NLGN4X: variants seen among roughly 807,000 people sequenced by gnomAD.
The protein encoded by NLGN4X is neuroligin 4 X-linked.
In NLGN4X, 3 loss-of-function variants were observed where a neutral mutation model predicts 40.3. That is an observed-to-expected ratio of 0.07 (90% CI 0.03 to 0.19). The LOEUF is 0.19. Among genes scored for constraint, NLGN4X ranks in the 10% least tolerant of loss-of-function variants. The pLI is 1.00. For synonymous variants in NLGN4X, 270 were observed against 306.8 expected, an observed-to-expected ratio of 0.88 and a Z score of 1.25; for missense variants, 382 against 708.3, an observed-to-expected ratio of 0.54 and a Z score of 5.23.
intron 2 of NLGN4X, among the ~76,000 whole-genome samples, chrX:6,034,393 G>A (rs2036948147): frequency 1.8e-5 from 2 of 112,125 alleles, no homozygotes; most frequent in Non-Finnish European, 3.8e-5. Context: ...TATTTGTTGA[G>A]TGACATTTGG....
At chrX:6,202,770 T>C (rs1366152658) in intron 1 of NLGN4X, among the ~76,000 whole-genome samples, 3 of 112,101 alleles carry the variant, frequency 2.7e-5, no homozygotes, top group Admixed American at 9.4e-5. Flanking sequence ...CCAAAAAAAA[T>C]AGTAAACATC....
chrX:5,959,250 G>C (rs1285943663), intron 3 of NLGN4X, among the ~76,000 whole-genome samples: 1 of 112,017 alleles, frequency 8.9e-6, no homozygotes, highest in Non-Finnish European at 1.9e-5. Flanking sequence ...TTAGTCCATG[G>C]CTGAGCGTAG....
chrX:6,075,323 T>C (rs1355269338), intron 2 of NLGN4X, among the ~76,000 whole-genome samples: 1 of 111,973 alleles, frequency 8.9e-6, no homozygotes, highest in African/African-American at 3.2e-5. Context: ...TTCAGGATGC[T>C]GATCTTCTCT....
At chrX:6,052,697 G>T (rs1053190401) in intron 2 of NLGN4X, among the ~76,000 whole-genome samples, 2 of 112,054 alleles carry the variant, frequency 1.8e-5, no homozygotes, top group Non-Finnish European at 3.8e-5. Flanking sequence ...AACTGTTTTT[G>T]TTATATTTAG....
intron 3 of NLGN4X, among the ~76,000 whole-genome samples, chrX:5,911,758 C>A (rs763148874): frequency 8.9e-6 from 1 of 112,205 alleles, no homozygotes; most frequent in Non-Finnish European, 1.9e-5. Context: ...GCAAAACTTA[C>A]AATAGTCAGA....
intron 2 of NLGN4X, among the ~76,000 whole-genome samples, chrX:6,125,707 A>T (rs183587270): frequency 9.0e-6 from 1 of 111,471 alleles, no homozygotes; most frequent in Admixed American, 9.5e-5. Flanking sequence ...AAAACTCACC[A>T]CCCAAGATAA....
chrX:6,136,774 G>A (rs2039829282), intron 2 of NLGN4X, among the ~76,000 whole-genome samples: 1 of 112,328 alleles, frequency 8.9e-6, no homozygotes, highest in Non-Finnish European at 1.9e-5. Flanking sequence ...CAAAGGCAGT[G>A]TCTTTCACTT....
At chrX:6,154,018 A>G (rs1042304236) in intron 1 of NLGN4X, among the ~76,000 whole-genome samples, 1 of 112,417 alleles carries the variant, frequency 8.9e-6, no homozygotes, top group Non-Finnish European at 1.9e-5. Flanking sequence ...CAAAATTGCT[A>G]TAATTAAAGC....
chrX:6,076,274 C>T (rs1198992309), intron 2 of NLGN4X, among the ~76,000 whole-genome samples: 2 of 111,764 alleles, frequency 1.8e-5, no homozygotes, highest in African/African-American at 6.5e-5. Context: ...GTATGTTATC[C>T]GAGAACACCC....
intron 3 of NLGN4X, among the ~76,000 whole-genome samples, chrX:5,977,640 G>T (rs2147048377): frequency 9.0e-6 from 1 of 110,930 alleles, no homozygotes; most frequent in East Asian, 2.8e-4. Flanking sequence ...GTGAACTGGG[G>T]ATGCTATTCA....
chrX:6,032,695 G>A (rs751911075), intron 2 of NLGN4X: 9 of 1,183,535 alleles, frequency 7.6e-6, no homozygotes, highest in South Asian at 7.6e-5. Context: ...AAATACCTTC[G>A]TCTTCACCAC....
At chrX:6,154,502 C>T (rs2040223743) in intron 1 of NLGN4X, among the ~76,000 whole-genome samples, 1 of 109,642 alleles carries the variant, frequency 9.1e-6, no homozygotes. Flanking sequence ...CAACCTACAT[C>T]CTTGTGGGGA....
intron 1 of NLGN4X, among the ~76,000 whole-genome samples, chrX:6,201,694 T>C (rs1923628026): frequency 9.0e-6 from 1 of 110,683 alleles, no homozygotes; most frequent in South Asian, 3.9e-4. Context: ...AGATGAGGAA[T>C]TGAGAGGAGA....
At chrX:6,125,828 AAG>A (rs1481425366) in intron 2 of NLGN4X, among the ~76,000 whole-genome samples, 1 of 111,645 alleles carries the variant, frequency 9.0e-6, no homozygotes, top group Non-Finnish European at 1.9e-5. Context: ...TTCATATCAA[AAG>A]TATAGAGTGT....
chrX:6,032,069 C>G lies in NLGN4X; in HGVS notation c.473-2637G>C, dbSNP rs1020792256. On this transcript the variant is annotated intron_variant, in intron 2 of 5. Transcript: ENST00000381095. ...AGATACTCTTATCTTCCCCACCCCC[C>G]CTTAAATGCTGTAAAAGGCAGTCCT... Among the ~76,000 whole-genome samples the G allele has an allele frequency of 1.5e-4, 14 of 96,246 alleles. 2 individuals carry two copies. The highest frequency in any genetic ancestry group is 1.1e-3 in the Admixed American group (10 of 8,708). The allele number at this position is 96,246 out of a possible 115,157, so 83.6% of individuals were successfully genotyped here.
intron 3 of NLGN4X, among the ~76,000 whole-genome samples, chrX:5,990,271 AG>A (rs1349157299): frequency 9.0e-6 from 1 of 111,537 alleles, no homozygotes; most frequent in Non-Finnish European, 1.9e-5. Flanking sequence ...GAGAACGTCA[AG>A]GCACTAGATA....
intron 3 of NLGN4X, among the ~76,000 whole-genome samples, chrX:5,977,747 A>G (rs1221256455): frequency 1.8e-5 from 2 of 111,466 alleles, no homozygotes; most frequent in Non-Finnish European, 3.8e-5. Context: ...TAAATTAGGT[A>G]GATGTGGCTC....
At chrX:5,986,217 T>C (rs1309621012) in intron 3 of NLGN4X, among the ~76,000 whole-genome samples, 3 of 110,606 alleles carry the variant, frequency 2.7e-5, no homozygotes. Flanking sequence ...GCAATGCATA[T>C]TGGCAAGAAA....
At chrX:6,159,836 G>A (rs189757944) in intron 1 of NLGN4X, among the ~76,000 whole-genome samples, 1 of 112,474 alleles carries the variant, frequency 8.9e-6, no homozygotes, top group Non-Finnish European at 1.9e-5. Context: ...CACTGAAGTA[G>A]CAAGGCATAA....
Sources: gnomAD v4.1 joint callset for allele counts (sites outside exome capture counted in the v4.1 genomes callset) on GRCh38, gnomAD v4.1.1 for gene constraint, MANE v1.5 for transcripts, NCBI Gene and HGNC (gene_info 2026-07-23, HGNC 2026-07-21) for gene names.